The following PDE4DIP variants were observed in gnomAD, a reference collection of about 807,000 sequenced individuals.
PDE4DIP encodes phosphodiesterase 4D interacting protein.
In PDE4DIP, 59 loss-of-function variants were observed where a neutral mutation model predicts 221.4. The ratio of observed to expected loss-of-function variants is 0.27; its 90% CI spans 0.22 to 0.33. The LOEUF is 0.33. PDE4DIP is among the 10% of genes least tolerant of loss of function. The probability of loss-of-function intolerance (pLI) is 1.00; values close to 1 mark genes in which losing one functional copy is unlikely to be tolerated. For synonymous variants in PDE4DIP, 404 were observed against 815.9 expected, an observed-to-expected ratio of 0.50 and a Z score of 8.60; for missense variants, 1,036 against 2,154.2, an observed-to-expected ratio of 0.48 and a Z score of 10.28.
In PDE4DIP at chr1:149,021,325, G is replaced by T. The variant is rs769469414; in HGVS notation, c.6085+172G>T. On this transcript the variant is annotated intron_variant, in intron 37 of 43. Transcript: ENST00000369354. ...GAGCTCTCAAACACAAAGCCCAACG[G>T]GACAGGTTGGTGGCACGAGCAAGAT... 4,470 of 604,082 alleles carry T rather than the reference G, an allele frequency of 7.4e-3. 33 individuals carry two copies. Among genetic ancestry groups the T allele is most frequent in the South Asian group, 0.042 (1,651 of 39,308 alleles). The allele number at this position is 604,082 out of a possible 1,614,324, so 37.4% of individuals were successfully genotyped here.
intron 17 of PDE4DIP, among the ~76,000 whole-genome samples, chr1:148,976,536 A>G (rs2060204855): frequency 6.6e-6 from 1 of 152,024 alleles, no homozygotes; most frequent in Non-Finnish European, 1.5e-5. Context: ...TTCATTAGCT[A>G]TATGGGGACC....
intron 4 of PDE4DIP, among the ~76,000 whole-genome samples, chr1:148,932,960 G>A (rs1210265131): frequency 1.8e-3 from 278 of 152,286 alleles, no homozygotes; most frequent in Non-Finnish European, 3.1e-3. Context: ...TGAGGATATA[G>A]TGGGAATGCA....
chr1:148,975,221 G>T (rs1482239505), intron 17 of PDE4DIP, among the ~76,000 whole-genome samples: 5 of 147,788 alleles, frequency 3.4e-5, no homozygotes, highest in Admixed American at 2.0e-4. Context: ...GTGAAAAAAG[G>T]AAGCGCTGTG....
At chr1:148,929,941 G>A (rs587710089) in intron 2 of PDE4DIP, 1 of 152,372 alleles carries the variant, frequency 6.6e-6, no homozygotes, top group East Asian at 1.9e-4. Flanking sequence ...GAATGAGTTA[G>A]CTCTATATTA....
chr1:148,820,531 C>A (rs1292997502), intron 1 of PDE4DIP, among the ~76,000 whole-genome samples: 2 of 136,840 alleles, frequency 1.5e-5, no homozygotes. Flanking sequence ...CGCGCCACTG[C>A]ACTCCAGCCT....
At chr1:148,826,243 T>C (rs1315651157) in intron 1 of PDE4DIP, among the ~76,000 whole-genome samples, 1 of 90,692 alleles carries the variant, frequency 1.1e-5, no homozygotes, top group African/African-American at 3.9e-5. Flanking sequence ...AATTCTCTTC[T>C]GTATACCACA....
intron 29 of PDE4DIP, 49 bp from the exon 33 acceptor site, chr1:149,009,519 T>A (rs782603014): frequency 2.3e-6 from 3 of 1,282,444 alleles, no homozygotes; most frequent in Non-Finnish European, 3.3e-6. Flanking sequence ...CAGGACAGGT[T>A]GGCTTCGGTG....
rs868947898 is a variant in PDE4DIP at position 148,892,046 on chromosome 1, C to T, written c.141+2152C>T. ...GTTCTGAGACAGAGTCTCACTCTGT[C>T]GCCCAGGCTAGAGTGCAGTGGCACG... On this transcript the variant is annotated intron_variant, in intron 1 of 43. Transcript: ENST00000369354. 1.8e-5 allele frequency among the ~76,000 whole-genome samples: 2 copies of T among 108,368 alleles called. 1 individual carries two copies. The highest frequency in any genetic ancestry group is 1.2e-3 in the East Asian group (2 of 1,660). 71.1% of individuals were successfully genotyped at this position (108,368 alleles called of 152,430 possible).
chr1:148,829,095 C>T lies in PDE4DIP; in HGVS notation c.233+20358C>T, dbSNP rs1470527458. 5.6e-4 allele frequency among the ~76,000 whole-genome samples: 83 copies of T among 148,054 alleles called. 1 individual carries two copies. In the East Asian group the frequency reaches 0.015, roughly 27 times the overall value. On this transcript the variant is annotated intron_variant, in intron 1 of 45. Coordinates refer to the PDE4DIP transcript ENST00000524974. ...GACAGATACAAGATGGGGGAAATGT[C>T]CACCTTTTCTGCTCCCTAGACCTCC...
rs1312774340 is a variant in PDE4DIP, at chr1:148,862,322, A to T, written c.234-928A>T. Among the ~76,000 whole-genome samples, 6 of 149,862 alleles carry T rather than the reference A, an allele frequency of 4.0e-5. 1 individual carries two copies. Among genetic ancestry groups the T allele is most frequent in the African/African-American group, 1.5e-4 (6 of 40,690 alleles). ...TGTGGAGCTTACAACAGTGCCTAAA[A>T]GCACTTGTCAAGCATGGGCTTGAGA... On this transcript the variant is annotated intron_variant, in intron 1 of 45. Transcript: ENST00000524974.
chr1:148,968,761 A>G (rs2058647999), intron 13 of PDE4DIP, 75 bp from the exon 17 acceptor site: 7 of 753,958 alleles, frequency 9.3e-6, no homozygotes, highest in Non-Finnish European at 1.5e-5. Flanking sequence ...TCTATGATAG[A>G]TTCTTATAAG....
intron 1 of PDE4DIP, among the ~76,000 whole-genome samples, chr1:148,923,634 C>T (rs1229226592): frequency 2.8e-5 from 4 of 144,848 alleles, no homozygotes; most frequent in Non-Finnish European, 6.0e-5. Flanking sequence ...CCACCGCTCC[C>T]GGCTAATTTT....
chr1:149,012,483 G>T, intron 31 of PDE4DIP, 108 bp from the exon 35 acceptor site: 1 of 604,348 alleles, frequency 1.7e-6, no homozygotes. Context: ...ACTCCGCAGG[G>T]TGATGTCTGG....
At chr1:149,009,013 A>T (rs1324658240) in intron 29 of PDE4DIP, among the ~76,000 whole-genome samples, 1 of 152,046 alleles carries the variant, frequency 6.6e-6, no homozygotes, top group African/African-American at 2.4e-5. Flanking sequence ...TGTAGCCACT[A>T]GTTGGGGTTC....
At chr1:149,031,582 T>C (rs2076740966) in intron 43 of PDE4DIP, among the ~76,000 whole-genome samples, 1 of 145,644 alleles carries the variant, frequency 6.9e-6, no homozygotes, top group Non-Finnish European at 1.5e-5. Context: ...TGTTTCTATA[T>C]GTGCATGTTT....
intron 24 of PDE4DIP, 126 bp downstream of exon 27, chr1:149,002,152 CAAT>C: frequency 1.9e-6 from 1 of 538,944 alleles, no homozygotes; most frequent in South Asian, 2.5e-5. Context: ...GTACCACAAA[CAAT>C]AATAGTAATA....
intron 17 of PDE4DIP, among the ~76,000 whole-genome samples, chr1:148,975,583 C>T (rs1426545212): frequency 2.0e-5 from 3 of 152,176 alleles, no homozygotes; most frequent in East Asian, 1.9e-4. Context: ...TGCTTTAACT[C>T]GCTCTAGCAT....
At chr1:148,901,983 G>A in intron 1 of PDE4DIP, among the ~76,000 whole-genome samples, 1 of 103,712 alleles carries the variant, frequency 9.6e-6, no homozygotes, top group East Asian at 3.8e-4. Flanking sequence ...ATTTTGCCAA[G>A]GTTGAGGACA....
intron 32 of PDE4DIP, among the ~76,000 whole-genome samples, chr1:149,013,781 C>CTATT (rs1418122665): frequency 3.4e-4 from 11 of 31,940 alleles, no homozygotes; most frequent in African/African-American, 1.6e-3. Context: ...CCTTCTTCCT[C>CTATT]TTTTTTTTTT....
Sources: gnomAD v4.1 joint callset for allele counts (sites outside exome capture counted in the v4.1 genomes callset) on GRCh38, gnomAD v4.1.1 for gene constraint, MANE v1.5 for transcripts, NCBI Gene and HGNC (gene_info 2026-07-23, HGNC 2026-07-21) for gene names.